PFDN2: variants seen among roughly 807,000 people sequenced by gnomAD.
The protein encoded by PFDN2 is prefoldin 2.
PFDN2 carries 7 observed loss-of-function variants against 18.3 expected under a neutral mutation model. That is an observed-to-expected ratio of 0.38 (90% confidence interval 0.22 to 0.72). PFDN2 has a LOEUF of 0.72. Ranked by LOEUF, PFDN2 falls within the 30% of genes least tolerant of loss-of-function variation. The pLI, the probability that PFDN2 is intolerant of heterozygous loss-of-function variation, is 0.47. For missense variants in PFDN2, 181 were observed against 199.1 expected, an observed-to-expected ratio of 0.91 and a Z score of 0.55; for synonymous variants, 76 against 75.0, an observed-to-expected ratio of 1.01 and a Z score of -0.07.
chr1:161,109,119 TG>T (rs1224914752), intron 1 of PFDN2, among the ~76,000 whole-genome samples: 2 of 152,078 alleles, frequency 1.3e-5, no homozygotes, highest in Admixed American at 6.5e-5. Context: ...CCCAATCAGT[TG>T]TTCCCTCCAC....
At chr1:161,109,821 C>T (rs1654765017) in intron 1 of PFDN2, among the ~76,000 whole-genome samples, 1 of 152,106 alleles carries the variant, frequency 6.6e-6, no homozygotes, top group Admixed American at 6.6e-5. Context: ...TGGTGAAACC[C>T]TGCAGATCAC....
chr1:161,103,815 T>C (rs765622532), intron 1 of PFDN2, among the ~76,000 whole-genome samples: 18 of 150,550 alleles, frequency 1.2e-4, no homozygotes, highest in Non-Finnish European at 2.2e-4. Flanking sequence ...AAATGAAACC[T>C]GAAAAATCAG....
chr1:161,103,938 T>C (rs996794032), intron 1 of PFDN2, among the ~76,000 whole-genome samples: 4 of 152,298 alleles, frequency 2.6e-5, no homozygotes, highest in Admixed American at 2.0e-4. Context: ...TTTAACCCTG[T>C]GGTTCTTAAC....
chr1:161,100,698 T>C lies in PFDN2; in HGVS notation c.450A>G (p.Gly150=). 2 of 1,613,108 alleles carry C rather than the reference T, an allele frequency of 1.2e-6. No homozygotes were observed. Among genetic ancestry groups the C allele is most frequent in the African/African-American group, 1.3e-5 (1 of 75,012 alleles). Residue 150 remains glycine, a synonymous_variant, in exon 4 of 4, where the codon GGA becomes GGG. Transcript: ENST00000368010. ...EGAGAKASSA[G]VLVS ...GCCTTGGTCCCTAGGAGACCAACAC[T>C]CCAGCTGAGCTGGCCTTAGCCCCAG...
chr1:161,106,664 T>G (rs568059402), intron 1 of PFDN2, among the ~76,000 whole-genome samples: 130 of 152,348 alleles, frequency 8.5e-4, no homozygotes, highest in Non-Finnish European at 2.1e-4. Flanking sequence ...CTTGAACTCC[T>G]GATTCATCTG....
intron 1 of PFDN2, among the ~76,000 whole-genome samples, chr1:161,106,275 G>A (rs2101701650): frequency 6.6e-6 from 1 of 152,242 alleles, no homozygotes; most frequent in East Asian, 1.9e-4. Flanking sequence ...AGAACCATGA[G>A]CCAATTAAAC....
intron 1 of PFDN2, among the ~76,000 whole-genome samples, chr1:161,116,383 G>C (rs1408199111): frequency 3.3e-5 from 5 of 152,102 alleles, no homozygotes; most frequent in Non-Finnish European, 7.4e-5. Flanking sequence ...AGGTATGGTG[G>C]TGCACCTGTA....
At chr1:161,117,050 T>C (rs1170647163) in intron 1 of PFDN2, among the ~76,000 whole-genome samples, 3 of 152,128 alleles carry the variant, frequency 2.0e-5, no homozygotes, top group Middle Eastern at 6.8e-3. Flanking sequence ...CTGGCCAATA[T>C]GGTGAAACCC....
At chr1:161,107,505 T>C (rs1330909177) in intron 1 of PFDN2, among the ~76,000 whole-genome samples, 1 of 149,030 alleles carries the variant, frequency 6.7e-6, no homozygotes, top group African/African-American at 2.5e-5. Context: ...CTGTAATAAA[T>C]AGTACCAATA....
rs147739766 is a variant in PFDN2, at chr1:161,116,375, G to T, written c.75+1577C>A. Among the ~76,000 whole-genome samples the T allele has an allele frequency of 1.5e-3, 229 of 152,230 alleles. 1 individual carries two copies. The highest frequency in any genetic ancestry group is 5.2e-3 in the African/African-American group (217 of 41,544). On this transcript the variant is annotated intron_variant, in intron 1 of 3. Transcript: ENST00000368010. ...TACCAAAAAGACAACAATTAGCCAG[G>T]TATGGTGGTGCACCTGTAATCCCAG... is the stretch of plus-strand genomic sequence containing the variant.
At chr1:161,101,300 C>T (rs148385119) in intron 3 of PFDN2, among the ~76,000 whole-genome samples, 2,330 of 151,322 alleles carry the variant, frequency 0.015, 28 homozygotes, top group Non-Finnish European at 0.021. Flanking sequence ...CGCAGGTTCA[C>T]GCCATTCTCC....
intron 1 of PFDN2, among the ~76,000 whole-genome samples, chr1:161,117,232 C>T (rs568917972): frequency 1.2e-3 from 177 of 151,878 alleles, no homozygotes; most frequent in Non-Finnish European, 2.1e-3. Context: ...AGCGAGACTC[C>T]GTCTCAAAAA....
intron 1 of PFDN2, among the ~76,000 whole-genome samples, chr1:161,103,603 T>C (rs762117503): frequency 7.0e-6 from 1 of 142,296 alleles, no homozygotes; most frequent in African/African-American, 2.7e-5. Context: ...GGGAATTGCT[T>C]GAACCCAGGA....
chr1:161,109,683 T>A (rs1487995395), intron 1 of PFDN2, among the ~76,000 whole-genome samples: 1 of 152,114 alleles, frequency 6.6e-6, no homozygotes, highest in Non-Finnish European at 1.5e-5. Flanking sequence ...GGTGGAGTGT[T>A]GTGTGGTGGT....
intron 1 of PFDN2, among the ~76,000 whole-genome samples, chr1:161,107,714 C>G (rs1440831819): frequency 6.6e-6 from 1 of 151,122 alleles, no homozygotes; most frequent in Non-Finnish European, 1.5e-5. Context: ...ACTTGGGAGG[C>G]TGAGGCAGGA....
rs148755413 is a variant in PFDN2, at chr1:161,109,949, G to T, written c.76-7574C>A. 4.6e-3 allele frequency among the ~76,000 whole-genome samples: 703 copies of T among 152,140 alleles called. 8 individuals carry two copies. The highest frequency in any genetic ancestry group is 0.016 in the African/African-American group (671 of 41,486). On this transcript the variant is annotated intron_variant, in intron 1 of 3. Coordinates refer to ENST00000368010, the MANE Select transcript of PFDN2 (RefSeq NM_012394.4). ...GGTGCCTGTAATCCCAGTTACTCGG[G>T]AGGCTGAGGCAGGAGAATCGCTTGA...
chr1:161,117,248 GATA>G (rs917363326), intron 1 of PFDN2, among the ~76,000 whole-genome samples: 1 of 152,136 alleles, frequency 6.6e-6, no homozygotes, highest in African/African-American at 2.4e-5. Flanking sequence ...AAAAAAAAAC[GATA>G]ATAATAAAGT....
chr1:161,102,500 A>T, intron 1 of PFDN2, 125 bp from the exon 2 acceptor site: 1 of 671,176 alleles, frequency 1.5e-6, no homozygotes, highest in Non-Finnish European at 2.6e-6. Context: ...AAGGAGTAGA[A>T]CCACAAGTTT....
chr1:161,107,010 A>G (rs1423078508), intron 1 of PFDN2, among the ~76,000 whole-genome samples: 1 of 149,316 alleles, frequency 6.7e-6, no homozygotes, highest in South Asian at 2.1e-4. Context: ...GGGTTTTGCC[A>G]TATTGCCCAG....
Sources: allele counts gnomAD v4.1 joint callset (sites outside exome capture counted in the v4.1 genomes callset), GRCh38; gene constraint gnomAD v4.1.1; transcripts MANE v1.5; gene names NCBI Gene and HGNC (gene_info 2026-07-23, HGNC 2026-07-21).